TAL1: variants seen among roughly 807,000 people sequenced by gnomAD.
TAL1 encodes the protein T-cell acute lymphocytic leukemia protein 1.
A neutral mutation model predicts 17.9 loss-of-function variants in TAL1; 8 were observed. That is an observed-to-expected ratio of 0.45 (90% CI 0.26 to 0.81). The LOEUF (loss-of-function observed/expected upper bound fraction) is 0.81. TAL1 is among the 30% of genes least tolerant of loss of function. The pLI, the probability that TAL1 is intolerant of heterozygous loss-of-function variation, is 0.17. For missense variants in TAL1, 466 were observed against 486.9 expected (o/e 0.96, Z 0.40); for synonymous variants, 223 against 218.6 (o/e 1.02, Z -0.18).
exon 4 of TAL1, chr1:47,217,506 C>T (rs1483562572): frequency 3.0e-5 from 12 of 398,458 alleles, no homozygotes; most frequent in East Asian, 7.1e-5. Flanking sequence ...TCAGGCACAC[C>T]GGCCTACTGC....
intron 1 of TAL1, among the ~76,000 whole-genome samples, chr1:47,226,957 C>G (rs1643922055): frequency 6.6e-6 from 1 of 152,180 alleles, no homozygotes; most frequent in Non-Finnish European, 1.5e-5. Flanking sequence ...TGCAAACGTT[C>G]AAGTAAACAT....
At chr1:47,219,135 C>T (rs1645558004) in exon 4 of TAL1, 2 of 420,604 alleles carry the variant, frequency 4.8e-6, no homozygotes, top group Non-Finnish European at 9.0e-6. Context: ...AGCAGACTGT[C>T]CACTGATCAT....
intron 3 of TAL1, among the ~76,000 whole-genome samples, chr1:47,220,822 T>A (rs1322306150): frequency 2.0e-5 from 3 of 152,206 alleles, no homozygotes; most frequent in Non-Finnish European, 4.4e-5. Context: ...TGAACTAAAT[T>A]GAGTGCCTGC....
intron 2 of TAL1, 118 bp downstream of exon 3, chr1:47,225,325 C>A: frequency 3.1e-6 from 3 of 976,958 alleles, no homozygotes; most frequent in Non-Finnish European, 2.6e-6. Context: ...CCTCTCCCTG[C>A]GCTCCACCCG....
chr1:47,224,008 A>G, exon 3 of TAL1: 1 of 1,613,786 alleles, frequency 6.2e-7, no homozygotes, highest in Non-Finnish European at 8.5e-7. Context: ...ACTCACCATC[A>G]GTAATCTCCA....
intron 1 of TAL1, chr1:47,228,963 C>G (rs1643957856): frequency 6.0e-6 from 1 of 166,334 alleles, no homozygotes; most frequent in South Asian, 2.0e-4. Flanking sequence ...GCCTGGACGA[C>G]TAAGTCCAAC....
At chr1:47,217,525 T>C in exon 4 of TAL1, 1 of 398,638 alleles carries the variant, frequency 2.5e-6, no homozygotes, top group African/African-American at 2.1e-5. Flanking sequence ...GCCTAGGTCG[T>C]GGACTCAGGC....
At chr1:47,219,850 G>A in exon 4 of TAL1, 1 of 1,598,992 alleles carries the variant, frequency 6.3e-7, no homozygotes, top group Non-Finnish European at 8.5e-7. Flanking sequence ...GCCGCAGCTG[G>A]AGTTGGGGGA....
chr1:47,221,009 G>A (rs1025424754), intron 3 of TAL1, among the ~76,000 whole-genome samples: 1 of 152,218 alleles, frequency 6.6e-6, no homozygotes, highest in Non-Finnish European at 1.5e-5. Context: ...TCCAAGCCAA[G>A]GGAATGCACA....
At chr1:47,218,503 C>A in exon 4 of TAL1, 1 of 232,982 alleles carries the variant, frequency 4.3e-6, no homozygotes, top group East Asian at 6.0e-5. Flanking sequence ...CTCCCAGACG[C>A]ACCCTTGATG....
At chr1:47,223,391 G>A (rs1466636713) in intron 3 of TAL1, 1 of 152,292 alleles carries the variant, frequency 6.6e-6, no homozygotes, top group Non-Finnish European at 1.5e-5. Flanking sequence ...TACCTCAAAG[G>A]AGCAGTGCCA....
chr1:47,219,697 C>A (rs1489622870), exon 4 of TAL1: 2 of 1,606,076 alleles, frequency 1.2e-6, no homozygotes, highest in African/African-American at 1.3e-5. Flanking sequence ...GCCCTCCTGG[C>A]TGATCCTGGT....
At chr1:47,216,307 T>A in exon 4 of TAL1, 1 of 206,646 alleles carries the variant, frequency 4.8e-6, no homozygotes, top group East Asian at 7.3e-5. Flanking sequence ...TGTAAAACTT[T>A]TATTTAGAAA....
At chr1:47,225,974 G>A (rs1486959444) in intron 1 of TAL1, 85 bp from the exon 3 acceptor site, 1 of 1,401,086 alleles carries the variant, frequency 7.1e-7, no homozygotes, top group Non-Finnish European at 9.4e-7. Flanking sequence ...AAGGGGAGAA[G>A]GGCAGAGAGA....
rs1312001522 is a variant in TAL1, at chr1:47,217,710, T to C, written c.*2010A>G. 3 of 398,492 alleles carry C rather than the reference T, an allele frequency of 7.5e-6. No individual in the cohort carries two copies. In the Admixed American group the frequency reaches 1.3e-4, roughly 18 times the overall value. 24.7% of individuals were successfully genotyped at this position (398,492 alleles called of 1,614,324 possible). A position where few individuals can be genotyped will look rare whatever the true frequency, so the allele number is the denominator to read the frequency against. The stretch of plus-strand genomic sequence containing the variant: ...GGGAGCCAGAAGTTTGAGTTCTTAA[T>C]AAAATATGTGATCCATCTCATAAAA... On this transcript the variant is annotated 3_prime_UTR_variant, in exon 4 of 4. Coordinates refer to ENST00000294339, the Ensembl canonical transcript of TAL1.
At chr1:47,221,088 G>A (rs1216487408) in intron 3 of TAL1, among the ~76,000 whole-genome samples, 2 of 152,184 alleles carry the variant, frequency 1.3e-5, no homozygotes, top group African/African-American at 2.4e-5. Context: ...GAGTAGGCAG[G>A]GTCCAGACTC....
At chr1:47,224,489 C>A (rs1643878691) in intron 2 of TAL1, among the ~76,000 whole-genome samples, 1 of 152,130 alleles carries the variant, frequency 6.6e-6, no homozygotes. Context: ...AATCCACACA[C>A]ACCTCCACTC....
chr1:47,219,686 C>T (rs1645571608), exon 4 of TAL1: 4 of 1,604,036 alleles, frequency 2.5e-6, no homozygotes, highest in South Asian at 1.1e-5. Context: ...AGCCTAAGAA[C>T]GCCCTCCTGG....
chr1:47,217,856 C>T (rs72896537), exon 4 of TAL1: 9,975 of 397,820 alleles, frequency 0.025, 887 homozygotes, highest in African/African-American at 0.18. Flanking sequence ...GGGCTCCTCA[C>T]AGGATCTTCC....
Sources: allele counts gnomAD v4.1 joint callset (sites outside exome capture counted in the v4.1 genomes callset), GRCh38; gene constraint gnomAD v4.1.1; transcripts MANE v1.5; gene names NCBI Gene and HGNC (gene_info 2026-07-23, HGNC 2026-07-21).